Variants in LOX observed in about 807,000 individuals in gnomAD.
LOX encodes the protein protein-lysine 6-oxidase.
A neutral mutation model predicts 50.5 loss-of-function variants in LOX; 12 were observed. The ratio of observed to expected loss-of-function variants is 0.24; its 90% confidence interval spans 0.15 to 0.38. The LOEUF (loss-of-function observed/expected upper bound fraction) is 0.38, where lower values mean the gene tolerates loss of function less well. Ranked by LOEUF, LOX falls within the 10% of genes least tolerant of loss-of-function variation. LOX has a pLI of 1.00. For synonymous variants in LOX, 254 were observed against 230.6 expected, an observed-to-expected ratio of 1.10 and a Z score of -0.92; for missense variants, 504 against 563.8, an observed-to-expected ratio of 0.89 and a Z score of 1.07.
chr5:122,075,581 A>G (rs1180073604), intron 2 of LOX, 40 bp from the exon 3 acceptor site: 1 of 1,370,392 alleles, frequency 7.3e-7, no homozygotes, highest in Admixed American at 2.3e-5. Flanking sequence ...TATTCATGGA[A>G]TATTAACTAA....
At chr5:122,067,999 G>T (rs1402719230) in intron 6 of LOX, among the ~76,000 whole-genome samples, 1 of 151,758 alleles carries the variant, frequency 6.6e-6, no homozygotes, top group South Asian at 2.1e-4. Flanking sequence ...AAGGTGTGGG[G>T]TTTTTTTCTC....
rs1378814096 is a variant in LOX at position 122,073,934 on chromosome 5, G to A, written c.1035+79C>T. 4 of 1,281,546 alleles carry A rather than the reference G, an allele frequency of 3.1e-6. No homozygotes were observed. In the African/African-American group the frequency reaches 5.9e-5, roughly 19 times the overall value. The allele number at this position is 1,281,546 out of a possible 1,614,324, so 79.4% of individuals were successfully genotyped here. On this transcript the variant is annotated intron_variant, in intron 4 of 6. Coordinates refer to ENST00000231004, the MANE Select transcript of LOX (RefSeq NM_002317.7). ...AAAATGTGTGTGCTCTTCATGAAATGCTATTTAATGCTAACTAACGGTAGA... is the reference window on the plus strand; with the variant it reads ...AAAATGTGTGTGCTCTTCATGAAATACTATTTAATGCTAACTAACGGTAGA...
At position 122,063,511 on chromosome 5, in the gene LOX, G is replaced by T. The variant is rs1754221167; in HGVS notation, c.*3232C>A. The T allele has an allele frequency of 6.6e-6, 1 of 151,782 alleles. No homozygotes were observed. Among genetic ancestry groups the T allele is most frequent in the Non-Finnish European group, 1.5e-5 (1 of 67,846 alleles). The allele number at this position is 151,782 out of a possible 1,614,324, so 9.4% of individuals were successfully genotyped here. ...TTTACATTCAGATTTAAATAACTCA[G>T]CACCATTTTAGCTTAGAGGATAAAT... is the stretch of plus-strand genomic sequence containing the variant. On this transcript the variant is annotated 3_prime_UTR_variant, in exon 7 of 7. Coordinates refer to ENST00000231004, the MANE Select transcript of LOX (RefSeq NM_002317.7).
At chr5:122,071,432 A>G (rs1754450158) in intron 4 of LOX, among the ~76,000 whole-genome samples, 1 of 152,174 alleles carries the variant, frequency 6.6e-6, no homozygotes, top group Admixed American at 6.5e-5. Context: ...GAAATATGAC[A>G]TATTTTGTTG....
chr5:122,067,552 C>A (rs1168359300), intron 6 of LOX, among the ~76,000 whole-genome samples: 2 of 152,078 alleles, frequency 1.3e-5, no homozygotes, highest in Non-Finnish European at 1.5e-5. Flanking sequence ...TACACAGCCA[C>A]CAGACTGACC....
At chr5:122,071,364 C>T (rs1375022845) in intron 4 of LOX, among the ~76,000 whole-genome samples, 1 of 152,126 alleles carries the variant, frequency 6.6e-6, no homozygotes, top group Non-Finnish European at 1.5e-5. Context: ...TTTAGGTAAT[C>T]AAGGTCCAGA....
intron 4 of LOX, among the ~76,000 whole-genome samples, chr5:122,071,328 TAGTA>T (rs1754446231): frequency 6.6e-6 from 1 of 152,116 alleles, no homozygotes; most frequent in African/African-American, 2.4e-5. Flanking sequence ...GTATCCAGCC[TAGTA>T]AGTGGCTAAG....
chr5:122,075,769 A>G (rs903389445), intron 2 of LOX, among the ~76,000 whole-genome samples: 1 of 152,204 alleles, frequency 6.6e-6, no homozygotes, highest in African/African-American at 2.4e-5. Context: ...GAATAAGTGA[A>G]TGAATAACAC....
chr5:122,066,625 C>CT lies in LOX; in HGVS notation c.*117dup. On this transcript the variant is annotated 3_prime_UTR_variant, in exon 7 of 7. Transcript: ENST00000231004. ...ATTGAAAACAGTCCAAACAAAAATT[C>CT]TTTTGTTGTTTTCTGTTCTCTTTTT... 1.2e-6 allele frequency: 1 copy of CT among 824,508 alleles called. No homozygotes were observed. The highest frequency in any genetic ancestry group is 1.8e-5 in the South Asian group (1 of 55,728). 51.1% of individuals were successfully genotyped at this position (824,508 alleles called of 1,614,324 possible).
In LOX at chr5:122,074,186, C is replaced by A. The variant is rs1228936323; in HGVS notation, c.879-17G>T. The A allele has an allele frequency of 6.2e-7, 1 of 1,604,462 alleles. No individual in the cohort carries two copies. The highest frequency in any genetic ancestry group is 1.1e-5 in the South Asian group (1 of 90,408). ...TGGTAATGTCTGATGTCCCACAAAA[C>A]AAAAAGATGGTGGTCAGTTACATAC... On this transcript the variant is annotated splice_polypyrimidine_tract_variant and intron_variant, in intron 3 of 6. Transcript: ENST00000231004.
intron 4 of LOX, among the ~76,000 whole-genome samples, chr5:122,072,817 T>C (rs1754488727): frequency 6.6e-6 from 1 of 152,192 alleles, no homozygotes; most frequent in African/African-American, 2.4e-5. Context: ...AGTGCTATAA[T>C]GTCTACAATC....
rs1295161769 is a variant in LOX at position 122,066,563 on chromosome 5, T to A, written c.*180A>T. 2.0e-6 allele frequency: 1 copy of A among 499,576 alleles called. No homozygotes were observed. The highest frequency in any genetic ancestry group is 3.7e-6 in the Non-Finnish European group (1 of 271,716). The allele number at this position is 499,576 out of a possible 1,614,324, so 30.9% of individuals were successfully genotyped here. ...ACATTAAAAATTTCCCAAGTAATGA[T>A]GACTTAAGCGTTCAAAATCCAGTTA... On this transcript the variant is annotated 3_prime_UTR_variant, in exon 7 of 7. Coordinates refer to ENST00000231004, the MANE Select transcript of LOX (RefSeq NM_002317.7).
rs1754700116 is a variant in LOX, at chr5:122,078,244, A to C, written c.-259T>G. ...ACGGGGAGCGGCGCGGCAGTCCCGG[A>C]GAGCGGGCAGTGTCTGGAGTGAAGG... On this transcript the variant is annotated 5_prime_UTR_variant, in exon 1 of 7. Coordinates refer to ENST00000231004, the MANE Select transcript of LOX (RefSeq NM_002317.7). The C allele has an allele frequency of 2.5e-6, 1 of 402,998 alleles. No homozygotes were observed. The highest frequency in any genetic ancestry group is 3.9e-5 in the East Asian group (1 of 25,920). The allele number at this position is 402,998 out of a possible 1,614,324, so 25.0% of individuals were successfully genotyped here.
rs1754227699 is a variant in LOX at position 122,063,748 on chromosome 5, T to C, written c.*2995A>G. On this transcript the variant is annotated 3_prime_UTR_variant, in exon 7 of 7. Coordinates refer to ENST00000231004, the MANE Select transcript of LOX (RefSeq NM_002317.7). ...TATCTCCTTACCAGGAATTCAGTAT[T>C]TTCATGCAATCTGCTAAAGATTAAC... 2 of 151,980 alleles carry C rather than the reference T, an allele frequency of 1.3e-5. No individual in the cohort carries two copies. The highest frequency in any genetic ancestry group is 2.9e-5 in the Non-Finnish European group (2 of 67,890). The allele number at this position is 151,980 out of a possible 1,614,324, so 9.4% of individuals were successfully genotyped here.
rs74536753 is a variant in LOX, at chr5:122,064,284, G to C, written c.*2459C>G. 6.6e-6 allele frequency: 1 copy of C among 151,998 alleles called. No homozygotes were observed. The highest frequency in any genetic ancestry group is 2.4e-5 in the African/African-American group (1 of 41,512). The allele number at this position is 151,998 out of a possible 1,614,324, so 9.4% of individuals were successfully genotyped here. A position where few individuals can be genotyped will look rare whatever the true frequency, so the allele number is the denominator to read the frequency against. ...TAATTATTATCTTTGAGTTTCGGCA[G>C]TTATTCAGAGAAGAGATTCAAAGTT... On this transcript the variant is annotated 3_prime_UTR_variant, in exon 7 of 7. Coordinates refer to ENST00000231004, the MANE Select transcript of LOX (RefSeq NM_002317.7).
chr5:122,077,801 GAGCCCAGGCTCAGCA>G lies in LOX; in HGVS notation c.170_184del (p.Leu57_Gly61del). ...CCGGCGGCGCTGAGGCTGGTACTGTGAGCCCAGGCTCAGCAAGCTGAACACCTGCCCGTTGTTCTC... is the reference window on the plus strand; with the variant it reads ...CCGGCGGCGCTGAGGCTGGTACTGTGAGCTGAACACCTGCCCGTTGTTCTC... On this transcript the variant is annotated inframe_deletion, in exon 1 of 7. Transcript: ENST00000231004. The surrounding 1 kb of genome is among the most constrained non-coding windows in gnomAD (Gnocchi z 4.9). 6.5e-7 allele frequency: 1 copy of G among 1,549,998 alleles called. No individual in the cohort carries two copies. The highest frequency in any genetic ancestry group is 8.7e-7 in the Non-Finnish European group (1 of 1,152,680).
chr5:122,073,773 A>G (rs973820591), intron 4 of LOX, among the ~76,000 whole-genome samples: 2 of 152,292 alleles, frequency 1.3e-5, no homozygotes, highest in African/African-American at 4.8e-5. Flanking sequence ...CCTTTTCCCA[A>G]TTATTTTACA....
At position 122,078,212 on chromosome 5, in the gene LOX, G is replaced by A; in HGVS notation, c.-227C>T. 2.3e-6 allele frequency: 1 copy of A among 426,288 alleles called. No homozygotes were observed. Among genetic ancestry groups the A allele is most frequent in the Non-Finnish European group, 4.0e-6 (1 of 247,212 alleles). The allele number at this position is 426,288 out of a possible 1,614,324, so 26.4% of individuals were successfully genotyped here. ...TTCCCTTTCCCCTTTCTCAGTCCTGGAAGGCAACGGGGAGCGGCGCGGCAG... is the reference window on the plus strand; with the variant it reads ...TTCCCTTTCCCCTTTCTCAGTCCTGAAAGGCAACGGGGAGCGGCGCGGCAG... On this transcript the variant is annotated 5_prime_UTR_variant, in exon 1 of 7. Coordinates refer to ENST00000231004, the MANE Select transcript of LOX (RefSeq NM_002317.7).
intron 4 of LOX, among the ~76,000 whole-genome samples, chr5:122,070,938 T>C (rs1754432554): frequency 6.6e-6 from 1 of 152,176 alleles, no homozygotes; most frequent in African/African-American, 2.4e-5. Flanking sequence ...TTAGCTCAAA[T>C]GTCCTCTTCT....
Sources: allele counts gnomAD v4.1 joint callset (sites outside exome capture counted in the v4.1 genomes callset), GRCh38; gene constraint gnomAD v4.1.1; non-coding constraint Gnocchi (gnomAD v3.1); transcripts MANE v1.5; gene names NCBI Gene and HGNC (gene_info 2026-07-23, HGNC 2026-07-21).